QKI: variants seen among roughly 807,000 people sequenced by gnomAD.
QKI encodes KH domain-containing RNA-binding protein QKI.
Under a neutral mutation model 39.0 loss-of-function variants are expected in QKI, and 10 were observed. That is an observed-to-expected ratio of 0.26 (90% CI 0.16 to 0.43). The LOEUF (loss-of-function observed/expected upper bound fraction) is 0.43, where lower values mean the gene tolerates loss of function less well. Ranked by LOEUF, QKI falls within the 20% of genes least tolerant of loss-of-function variation. The pLI, the probability that QKI is intolerant of heterozygous loss-of-function variation, is 1.00. For missense variants in QKI, 218 were observed against 428.0 expected (o/e 0.51, Z 4.33); for synonymous variants, 204 against 155.4 (o/e 1.31, Z -2.33).
chr6:163,510,763 A>C (rs142657984), intron 3 of QKI, among the ~76,000 whole-genome samples: 45 of 152,194 alleles, frequency 3.0e-4, no homozygotes, highest in Non-Finnish European at 5.3e-4. Flanking sequence ...GGACATATCA[A>C]TCATAAGTGT....
intron 3 of QKI, among the ~76,000 whole-genome samples, chr6:163,486,794 T>G (rs1325186257): frequency 6.6e-6 from 1 of 152,198 alleles, no homozygotes; most frequent in African/African-American, 2.4e-5. Context: ...TTATATTTGC[T>G]GCTTTATAAT....
At chr6:163,480,238 T>C (rs1194775825) in intron 3 of QKI, among the ~76,000 whole-genome samples, 2 of 152,152 alleles carry the variant, frequency 1.3e-5, no homozygotes, top group Admixed American at 1.3e-4. Flanking sequence ...GTTTGGTCTG[T>C]CTGTCTGTCT....
chr6:163,564,334 A>G, intron 6 of QKI: 4 of 1,050,678 alleles, frequency 3.8e-6, no homozygotes, highest in Non-Finnish European at 4.8e-6. Context: ...ATCGTTTACT[A>G]CACACCTAGG....
chr6:163,504,763 C>G (rs1778991991), intron 3 of QKI, among the ~76,000 whole-genome samples: 1 of 152,132 alleles, frequency 6.6e-6, no homozygotes, highest in South Asian at 2.1e-4. Flanking sequence ...CTTTAGTGTT[C>G]TCTAGGTATC....
chr6:163,570,227 A>C (rs1783620059), intron 7 of QKI: 1 of 982,410 alleles, frequency 1.0e-6, no homozygotes, highest in East Asian at 1.1e-4. Flanking sequence ...GTTAATCATC[A>C]GTTATTAATA....
intron 3 of QKI, among the ~76,000 whole-genome samples, chr6:163,510,739 A>G (rs1435539682): frequency 2.6e-5 from 4 of 152,202 alleles, no homozygotes; most frequent in Non-Finnish European, 4.4e-5. Context: ...CATAGTAACA[A>G]AAGTTCATCA....
intron 2 of QKI, among the ~76,000 whole-genome samples, chr6:163,460,201 T>C (rs1031024715): frequency 1.1e-4 from 17 of 152,212 alleles, no homozygotes; most frequent in African/African-American, 3.9e-4. Flanking sequence ...GTAGTGAGAC[T>C]TCTTGGAGTT....
At chr6:163,443,915 G>A (rs1314025624) in intron 1 of QKI, among the ~76,000 whole-genome samples, 1 of 152,156 alleles carries the variant, frequency 6.6e-6, no homozygotes, top group Non-Finnish European at 1.5e-5. Flanking sequence ...TTCATTTTCA[G>A]TCTGATTTAC....
chr6:163,424,154 C>G (rs1367003511), intron 1 of QKI, among the ~76,000 whole-genome samples: 1 of 152,116 alleles, frequency 6.6e-6, no homozygotes, highest in East Asian at 1.9e-4. Flanking sequence ...GCAATTATAT[C>G]CCTTTGATAC....
At chr6:163,423,241 T>G (rs2128208186) in intron 1 of QKI, 1 of 152,364 alleles carries the variant, frequency 6.6e-6, no homozygotes, top group Non-Finnish European at 1.5e-5. Context: ...GGAGAGGAGA[T>G]TGCGCCACTG....
intron 6 of QKI, chr6:163,564,808 A>AT: frequency 1.3e-6 from 2 of 1,595,126 alleles, no homozygotes; most frequent in African/African-American, 2.7e-5. Flanking sequence ...TTACCAGACA[A>AT]AATTTGAATA....
intron 3 of QKI, among the ~76,000 whole-genome samples, chr6:163,489,983 T>C (rs1380101298): frequency 6.6e-6 from 1 of 152,178 alleles, no homozygotes; most frequent in African/African-American, 2.4e-5. Flanking sequence ...CAGCCTCCCT[T>C]ATTGGTACCA....
rs530943810 is a variant in QKI, at chr6:163,517,918, C to G, written c.403-17064C>G. 1.3e-5 allele frequency among the ~76,000 whole-genome samples: 2 copies of G among 152,112 alleles called. 1 individual carries two copies. Among genetic ancestry groups the G allele is most frequent in the Non-Finnish European group, 2.9e-5 (2 of 68,024 alleles). ...CTATTTCTAGAAGGTTAAGGTAAAT[C>G]TGGTAACCTGGTCCTTTTTTGGCTT... On this transcript the variant is annotated intron_variant, in intron 3 of 7. Transcript: ENST00000361752.
chr6:163,479,559 A>T (rs1792905046), intron 3 of QKI, among the ~76,000 whole-genome samples: 1 of 152,118 alleles, frequency 6.6e-6, no homozygotes, highest in Admixed American at 6.5e-5. Context: ...TTTAGTAGAG[A>T]TGGGGTTTCA....
intron 6 of QKI, chr6:163,566,302 A>C: frequency 8.3e-7 from 1 of 1,203,528 alleles, no homozygotes; most frequent in South Asian, 2.2e-5. Context: ...ATTGCTTTTA[A>C]ACCTTTTTAA....
chr6:163,456,068 C>T (rs542355623), intron 2 of QKI, among the ~76,000 whole-genome samples: 59 of 152,246 alleles, frequency 3.9e-4, no homozygotes, highest in Middle Eastern at 3.4e-3. Flanking sequence ...CCTCTTTTGG[C>T]TTTTAGAATA....
chr6:163,516,883 A>G (rs1562505212), intron 3 of QKI, among the ~76,000 whole-genome samples: 1 of 152,198 alleles, frequency 6.6e-6, no homozygotes, highest in Non-Finnish European at 1.5e-5. Context: ...TTTGAAACAC[A>G]TATCATAATG....
chr6:163,472,249 AATC>A (rs1792260664), intron 2 of QKI, among the ~76,000 whole-genome samples: 1 of 152,168 alleles, frequency 6.6e-6, no homozygotes, highest in South Asian at 2.1e-4. Context: ...GTTTTAAAGA[AATC>A]ATAAGGAAGA....
rs1252753964 is a variant in QKI, at chr6:163,511,346, T to TA, written c.403-23629dup. Among the ~76,000 whole-genome samples, 11 of 151,736 alleles carry TA rather than the reference T, an allele frequency of 7.2e-5. 1 individual carries two copies. Among genetic ancestry groups the TA allele is most frequent in the South Asian group, 4.2e-4 (2 of 4,808 alleles). On this transcript the variant is annotated intron_variant, in intron 3 of 7. Transcript: ENST00000361752. ...ACAGCAAGGTAAACCCAAGGTAATGTAAAAAAAGGAAATAATAATAAATTC... is the reference window on the plus strand; with the variant it reads ...ACAGCAAGGTAAACCCAAGGTAATGTAAAAAAAAGGAAATAATAATAAATTC...
Sources: allele counts gnomAD v4.1 joint callset (sites outside exome capture counted in the v4.1 genomes callset), GRCh38; gene constraint gnomAD v4.1.1; transcripts MANE v1.5; gene names NCBI Gene and HGNC (gene_info 2026-07-23, HGNC 2026-07-21).